Variants in SEPTIN9 observed in about 807,000 individuals in gnomAD.
The protein encoded by SEPTIN9 is septin-9.
Under a neutral mutation model 56.6 loss-of-function variants are expected in SEPTIN9, and 13 were observed. The ratio of observed to expected loss-of-function variants is 0.23; its 90% CI spans 0.15 to 0.37. The LOEUF (loss-of-function observed/expected upper bound fraction) is 0.37. Among genes scored for constraint, SEPTIN9 ranks in the 10% least tolerant of loss-of-function variants. SEPTIN9 has a pLI of 1.00. For missense variants in SEPTIN9, 650 were observed against 823.1 expected (o/e 0.79, Z 2.57); for synonymous variants, 332 against 334.1 (o/e 0.99, Z 0.07).
intron 1 of SEPTIN9, chr17:77,294,645 C>G (rs975245187): frequency 4.5e-5 from 7 of 154,532 alleles, no homozygotes; most frequent in African/African-American, 1.7e-4. Flanking sequence ...GGGGAGATTT[C>G]TAACTGCATA....
chr17:77,387,019 G>T (rs906079395), intron 2 of SEPTIN9, among the ~76,000 whole-genome samples: 3 of 152,230 alleles, frequency 2.0e-5, no homozygotes, highest in African/African-American at 7.2e-5. Flanking sequence ...AAGTCCCAGG[G>T]TCAGTGTGGT....
At chr17:77,386,546 G>A (rs2035343599) in intron 2 of SEPTIN9, among the ~76,000 whole-genome samples, 1 of 152,174 alleles carries the variant, frequency 6.6e-6, no homozygotes, top group African/African-American at 2.4e-5. Context: ...GGCCTCTCTG[G>A]CACAAGGGTT....
chr17:77,301,740 TTC>T (rs1328959304), intron 1 of SEPTIN9, among the ~76,000 whole-genome samples: 1 of 152,192 alleles, frequency 6.6e-6, no homozygotes, highest in Non-Finnish European at 1.5e-5. Flanking sequence ...TGTAGATGAC[TTC>T]TGTCATTATT....
rs540599463 is a variant in SEPTIN9, at chr17:77,317,486, C to T, written c.76+10289C>T. The stretch of plus-strand genomic sequence containing the variant: ...ATAGGAGAGTGAACCGTATTGTGAA[C>T]GGCACATGTGAGGGATCTAGGTTGC... On this transcript the variant is annotated intron_variant, in intron 2 of 11. Coordinates refer to ENST00000427177, the MANE Select transcript of SEPTIN9 (RefSeq NM_001113491.2). The surrounding 1 kb of genome is among the most constrained non-coding windows in gnomAD (Gnocchi z 4.2). 7.9e-5 allele frequency among the ~76,000 whole-genome samples: 12 copies of T among 152,124 alleles called. No individual in the cohort carries two copies. The highest frequency in any genetic ancestry group is 2.0e-4 in the Admixed American group (3 of 15,266).
At chr17:77,479,520 G>A (rs1395590638) in intron 3 of SEPTIN9, among the ~76,000 whole-genome samples, 1 of 152,276 alleles carries the variant, frequency 6.6e-6, no homozygotes, top group Non-Finnish European at 1.5e-5. Context: ...CAGAAGGCAA[G>A]CCACTGCCCT....
chr17:77,482,466 A>G (rs754503930), intron 4 of SEPTIN9, 131 bp downstream of exon 4: 3 of 929,142 alleles, frequency 3.2e-6, no homozygotes, highest in South Asian at 2.8e-5. Flanking sequence ...TCAAGGACGG[A>G]TTGCCAGTGA....
At chr17:77,385,179 T>TC (rs1371188338) in intron 2 of SEPTIN9, among the ~76,000 whole-genome samples, 1 of 136,994 alleles carries the variant, frequency 7.3e-6, no homozygotes, top group Non-Finnish European at 1.6e-5. Context: ...TTTTTTTTTT[T>TC]TTTTGACAGA....
chr17:77,478,660 G>A (rs1003720144), intron 3 of SEPTIN9, among the ~76,000 whole-genome samples: 2 of 152,064 alleles, frequency 1.3e-5, no homozygotes, highest in Admixed American at 6.6e-5. Flanking sequence ...AAAATTAGCC[G>A]GGCATGGTGG....
At position 77,447,528 on chromosome 17, in the gene SEPTIN9, A is replaced by T. The variant is rs183237867; in HGVS notation, c.722-34616A>T. ...TGTGAGCTAGGGAAGCAGGACAGGC[A>T]CACCCAGGGAAGGGGAAGAGTCGTC... is the stretch of plus-strand genomic sequence containing the variant. On this transcript the variant is annotated intron_variant, in intron 3 of 11. Coordinates refer to ENST00000427177, the MANE Select transcript of SEPTIN9 (RefSeq NM_001113491.2). Among the ~76,000 whole-genome samples, 80 of 152,378 alleles carry T rather than the reference A, an allele frequency of 5.3e-4. 1 individual carries two copies. The South Asian group carries it at 6.2e-3, about 12-fold the overall frequency.
chr17:77,430,731 A>G (rs1873699040), intron 3 of SEPTIN9, among the ~76,000 whole-genome samples: 1 of 151,884 alleles, frequency 6.6e-6, no homozygotes, highest in Admixed American at 6.6e-5. Context: ...TGGCTCACGC[A>G]TGTAATCCCA....
At chr17:77,315,436 C>T (rs1388315268) in intron 2 of SEPTIN9, among the ~76,000 whole-genome samples, 5 of 152,106 alleles carry the variant, frequency 3.3e-5, no homozygotes, top group African/African-American at 4.8e-5. Context: ...TACAGGCATG[C>T]GCCACCATGC....
intron 10 of SEPTIN9, among the ~76,000 whole-genome samples, chr17:77,495,846 G>A (rs1205095103): frequency 6.6e-6 from 1 of 152,198 alleles, no homozygotes; most frequent in East Asian, 1.9e-4. Context: ...CCTGCCTGCT[G>A]GCCTACCAAG....
intron 4 of SEPTIN9, among the ~76,000 whole-genome samples, chr17:77,484,425 GGGTGATGGTGATGGT>G (rs1171099871): frequency 4.7e-5 from 5 of 105,880 alleles, no homozygotes; most frequent in African/African-American, 1.5e-4. Context: ...GTGATGATGT[GGGTGATGGTGATGGT>G]GGTGATGGTG....
At chr17:77,465,935 TCAAAC>T (rs2038699018) in intron 3 of SEPTIN9, among the ~76,000 whole-genome samples, 1 of 151,932 alleles carries the variant, frequency 6.6e-6, no homozygotes, top group Admixed American at 6.6e-5. Context: ...GGGGCCAACT[TCAAAC>T]CAAGGGAGAC....
chr17:77,391,834 G>T (rs1045864891), intron 2 of SEPTIN9, among the ~76,000 whole-genome samples: 2 of 152,206 alleles, frequency 1.3e-5, no homozygotes, highest in Non-Finnish European at 2.9e-5. Context: ...GTGCTGGCTT[G>T]CCAGGTTGTT....
At chr17:77,304,965 C>A (rs983234335) in intron 1 of SEPTIN9, among the ~76,000 whole-genome samples, 9 of 152,108 alleles carry the variant, frequency 5.9e-5, no homozygotes, top group African/African-American at 2.2e-4. Context: ...TCATCCTCCT[C>A]CCCGCTCCTC....
At position 77,363,379 on chromosome 17, in the gene SEPTIN9, C is replaced by CTTTTTT. The variant is rs34313886; in HGVS notation, c.77-38659_77-38654dup. Among the ~76,000 whole-genome samples, 8 of 66,614 alleles carry CTTTTTT rather than the reference C, an allele frequency of 1.2e-4. 2 individuals carry two copies. Among genetic ancestry groups the CTTTTTT allele is most frequent in the Admixed American group, 2.2e-4 (1 of 4,494 alleles). The allele number at this position is 66,614 out of a possible 152,430, so 43.7% of individuals were successfully genotyped here. On this transcript the variant is annotated intron_variant, in intron 2 of 11. Transcript: ENST00000427177. ...CTGGCTCTCCAGGCCTTGGGCCTGTCTTTTTTTTTTTTTTTTTTTTTTTTT... is the reference window on the plus strand; with the variant it reads ...CTGGCTCTCCAGGCCTTGGGCCTGTCTTTTTTTTTTTTTTTTTTTTTTTTTTTTTTT...
At chr17:77,498,043 C>G (rs548935399) in intron 11 of SEPTIN9, among the ~76,000 whole-genome samples, 299 of 152,034 alleles carry the variant, frequency 2.0e-3, no homozygotes, top group African/African-American at 6.7e-3. Flanking sequence ...AAATCCGAGC[C>G]CAGGACTTTT....
At position 77,314,706 on chromosome 17, in the gene SEPTIN9, A is replaced by C. The variant is rs536756614; in HGVS notation, c.76+7509A>C. On this transcript the variant is annotated intron_variant, in intron 2 of 11. Coordinates refer to ENST00000427177, the MANE Select transcript of SEPTIN9 (RefSeq NM_001113491.2). ...GTACTCCTGGAGCAAGGTGGGGCCG[A>C]TCCTACGAAGACCCTTTCCCGAAGG... is the stretch of plus-strand genomic sequence containing the variant. Among the ~76,000 whole-genome samples, 156 of 152,274 alleles carry C rather than the reference A, an allele frequency of 1.0e-3. 1 individual carries two copies. The highest frequency in any genetic ancestry group is 3.6e-3 in the African/African-American group (149 of 41,546).
Sources: allele counts gnomAD v4.1 joint callset (sites outside exome capture counted in the v4.1 genomes callset), GRCh38; gene constraint gnomAD v4.1.1; non-coding constraint Gnocchi (gnomAD v3.1); transcripts MANE v1.5; gene names NCBI Gene and HGNC (gene_info 2026-07-23, HGNC 2026-07-21).